Variants in GATAD2B observed in about 807,000 individuals in gnomAD.
GATAD2B encodes the protein GATA zinc finger domain containing 2B, also known as transcriptional repressor p66-beta.
Under a neutral mutation model 64.3 loss-of-function variants are expected in GATAD2B, and 8 were observed. The observed-to-expected ratio is 0.12, with a 90% CI of 0.07 to 0.22. The LOEUF (loss-of-function observed/expected upper bound fraction) is 0.22. Among genes scored for constraint, GATAD2B ranks in the 10% least tolerant of loss-of-function variants. The pLI is 1.00. For synonymous variants in GATAD2B, 281 were observed against 271.3 expected, an observed-to-expected ratio of 1.04 and a Z score of -0.35; for missense variants, 453 against 752.0, an observed-to-expected ratio of 0.60 and a Z score of 4.65.
At chr1:153,834,417 G>A (rs899757816) in intron 1 of GATAD2B, among the ~76,000 whole-genome samples, 2 of 151,382 alleles carry the variant, frequency 1.3e-5, no homozygotes, top group South Asian at 2.1e-4. Context: ...TTTTTAAGAC[G>A]GAGTTTTGCT....
In GATAD2B at chr1:153,883,702, CT is replaced by C. The variant is rs553077514; in HGVS notation, c.-2+39030del. Reference sequence around the variant, plus strand: ...GCTGAATACATCTGACTGCACTGGTCTTTTTTTTTTTTCTTTTTTATCAGTT... The same window carrying C: ...GCTGAATACATCTGACTGCACTGGTCTTTTTTTTTTTCTTTTTTATCAGTT... On this transcript the variant is annotated intron_variant, in intron 1 of 10. Coordinates refer to ENST00000368655, the MANE Select transcript of GATAD2B (RefSeq NM_020699.4). Among the ~76,000 whole-genome samples the C allele has an allele frequency of 5.1e-3, 737 of 144,264 alleles. 5 individuals are homozygous for C. Among genetic ancestry groups the C allele is most frequent in the African/African-American group, 0.011 (453 of 39,554 alleles). The allele number at this position is 144,264 out of a possible 152,430, so 94.6% of individuals were successfully genotyped here.
intron 1 of GATAD2B, among the ~76,000 whole-genome samples, chr1:153,862,181 G>A (rs1022690044): frequency 6.9e-6 from 1 of 144,454 alleles, no homozygotes; most frequent in Non-Finnish European, 1.5e-5. Context: ...GGAGTGCAGC[G>A]GCGTGATCTC....
chr1:153,812,464 T>C (rs1171896541), intron 8 of GATAD2B, among the ~76,000 whole-genome samples: 1 of 152,166 alleles, frequency 6.6e-6, no homozygotes, highest in East Asian at 1.9e-4. Flanking sequence ...AGCAGCTAAC[T>C]TGCTTCAATG....
chr1:153,894,470 A>G (rs962756466), intron 1 of GATAD2B, among the ~76,000 whole-genome samples: 1 of 152,066 alleles, frequency 6.6e-6, no homozygotes, highest in Non-Finnish European at 1.5e-5. Flanking sequence ...TCTGTCTCAA[A>G]AAACAAAAAA....
chr1:153,881,498 A>T (rs541683535), intron 1 of GATAD2B, among the ~76,000 whole-genome samples: 14 of 152,288 alleles, frequency 9.2e-5, no homozygotes, highest in Admixed American at 2.0e-4. Flanking sequence ...TCTGCAACAA[A>T]TTTTTTTAAA....
At chr1:153,833,355 C>A (rs1294245273) in intron 1 of GATAD2B, among the ~76,000 whole-genome samples, 1 of 152,168 alleles carries the variant, frequency 6.6e-6, no homozygotes, top group African/African-American at 2.4e-5. Context: ...ATCTACTGCT[C>A]AGAAAAAAGA....
intron 7 of GATAD2B, among the ~76,000 whole-genome samples, chr1:153,814,533 G>A (rs1674390526): frequency 1.3e-5 from 2 of 152,324 alleles, no homozygotes; most frequent in African/African-American, 2.4e-5. Context: ...AACACTTTGG[G>A]AGGCTGAGGC....
intron 2 of GATAD2B, among the ~76,000 whole-genome samples, chr1:153,823,742 T>G (rs1674766410): frequency 6.6e-6 from 1 of 151,966 alleles, no homozygotes; most frequent in Non-Finnish European, 1.5e-5. Flanking sequence ...TTGTTTGTTT[T>G]TTTTTTGAGA....
intron 7 of GATAD2B, among the ~76,000 whole-genome samples, chr1:153,815,304 A>G (rs1318939169): frequency 6.8e-6 from 1 of 147,486 alleles, no homozygotes; most frequent in African/African-American, 2.6e-5. Context: ...AAAAAAAAAA[A>G]AAAGAAAAGA....
chr1:153,821,986 G>A (rs1328661390), intron 2 of GATAD2B, among the ~76,000 whole-genome samples: 1 of 151,626 alleles, frequency 6.6e-6, no homozygotes, highest in Admixed American at 6.6e-5. Flanking sequence ...TTTGAGACCA[G>A]CCTGGCCAAC....
rs1674933244 is a variant in GATAD2B at position 153,827,752 on chromosome 1, T to C, written c.335+261A>G. On this transcript the variant is annotated intron_variant, in intron 2 of 10. Transcript: ENST00000368655. ...TATTAACTCACTTCCATTTGGCCTATCAGCTCTCTAGTGCCCCCTTTATCT... is the reference window on the plus strand; with the variant it reads ...TATTAACTCACTTCCATTTGGCCTACCAGCTCTCTAGTGCCCCCTTTATCT... 9 of 494,152 alleles carry C rather than the reference T, an allele frequency of 1.8e-5. No individual in the cohort carries two copies. The Middle Eastern group carries it at 1.5e-3, about 85-fold the overall frequency. 30.6% of individuals were successfully genotyped at this position (494,152 alleles called of 1,614,324 possible). A position where few individuals can be genotyped will look rare whatever the true frequency, so the allele number is the denominator to read the frequency against.
chr1:153,820,678 G>T (rs905641388), intron 2 of GATAD2B, among the ~76,000 whole-genome samples: 1 of 151,922 alleles, frequency 6.6e-6, no homozygotes, highest in Non-Finnish European at 1.5e-5. Flanking sequence ...CACCCAGGCT[G>T]GAGTCCAGTG....
chr1:153,838,403 C>T (rs1570946262), intron 1 of GATAD2B, among the ~76,000 whole-genome samples: 1 of 152,094 alleles, frequency 6.6e-6, no homozygotes, highest in East Asian at 1.9e-4. Flanking sequence ...AACTCATTTT[C>T]TCTGCCTTTT....
chr1:153,833,282 G>A (rs757518946), intron 1 of GATAD2B, among the ~76,000 whole-genome samples: 3 of 152,118 alleles, frequency 2.0e-5, no homozygotes, highest in African/African-American at 7.2e-5. Context: ...GAACAACGAC[G>A]TCTGGATGAC....
chr1:153,812,176 C>A, intron 8 of GATAD2B, 44 bp from the exon 9 acceptor site: 1 of 974,652 alleles, frequency 1.0e-6, no homozygotes, highest in Non-Finnish European at 1.6e-6. Flanking sequence ...GGACAGCACC[C>A]AATACCCAAT....
intron 1 of GATAD2B, among the ~76,000 whole-genome samples, chr1:153,917,274 T>C (rs973445712): frequency 8.0e-5 from 12 of 150,934 alleles, no homozygotes; most frequent in Non-Finnish European, 1.8e-4. Context: ...ATTTTTGTAT[T>C]TTTAGTAGAG....
At position 153,839,531 on chromosome 1, in the gene GATAD2B, T is replaced by C. The variant is rs574130439; in HGVS notation, c.-1-11183A>G. Among the ~76,000 whole-genome samples the C allele has an allele frequency of 1.5e-3, 234 of 152,282 alleles. 1 individual carries two copies. The highest frequency in any genetic ancestry group is 5.8e-3 in the South Asian group (28 of 4,822). On this transcript the variant is annotated intron_variant, in intron 1 of 10. Coordinates refer to ENST00000368655, the MANE Select transcript of GATAD2B (RefSeq NM_020699.4). ...TCAAAAATGATGAAAGTGAAGCCTA[T>C]AGTTATATAATGTAACTTAAAAGTT...
chr1:153,820,218 C>T lies in GATAD2B; in HGVS notation c.336-483G>A, dbSNP rs114508741. On this transcript the variant is annotated intron_variant, in intron 2 of 10. Transcript: ENST00000368655. ...GCCAAGAATATTGTCTACAGCCTTA[C>T]AGAAAAGGATTAAACCTCCAGAACC... Among the ~76,000 whole-genome samples, 116 of 152,054 alleles carry T rather than the reference C, an allele frequency of 7.6e-4. 2 individuals are homozygous for T. Among genetic ancestry groups the T allele is most frequent in the African/African-American group, 2.7e-3 (111 of 41,458 alleles).
chr1:153,822,920 G>A (rs1179457653), intron 2 of GATAD2B, among the ~76,000 whole-genome samples: 1 of 152,000 alleles, frequency 6.6e-6, no homozygotes, highest in Non-Finnish European at 1.5e-5. Flanking sequence ...AGGCCCAAGC[G>A]ATCCTCCCAC....
Sources: allele counts gnomAD v4.1 joint callset (sites outside exome capture counted in the v4.1 genomes callset), GRCh38; gene constraint gnomAD v4.1.1; transcripts MANE v1.5; gene names NCBI Gene and HGNC (gene_info 2026-07-23, HGNC 2026-07-21).